The following TMEM181 variants were observed in gnomAD, a reference collection of about 807,000 sequenced individuals.
The protein encoded by TMEM181 is G protein-coupled receptor 178.
In TMEM181, 39 loss-of-function variants were observed where a neutral mutation model predicts 71.9. The observed-to-expected ratio is 0.54, with a 90% CI of 0.42 to 0.71. TMEM181 has a LOEUF of 0.71. Among genes scored for constraint, TMEM181 ranks in the 30% least tolerant of loss-of-function variants. The pLI is 0.00. For synonymous variants in TMEM181, 245 were observed against 228.8 expected (o/e 1.07, Z -0.64); for missense variants, 595 against 583.0 (o/e 1.02, Z -0.21).
At chr6:158,628,223 AG>A (rs1461535881) in intron 13 of TMEM181, 184 bp from the exon 14 acceptor site, 18 of 710,598 alleles carry the variant, frequency 2.5e-5, no homozygotes, top group Non-Finnish European at 4.1e-5. Flanking sequence ...AACCAGAAGC[AG>A]GGGCTGTGTG....
chr6:158,621,504 AC>A (rs1370396387), intron 10 of TMEM181: 2 of 200,394 alleles, frequency 1.0e-5, no homozygotes, highest in Non-Finnish European at 1.1e-5. Context: ...CCCGTCCTGA[AC>A]CCAACACAGA....
Position 158,634,314 on chromosome 6 carries a change from A to C in TMEM181, c.*2426A>C, listed in dbSNP as rs1342898688. 2 of 152,374 alleles carry C rather than the reference A, an allele frequency of 1.3e-5. No homozygotes were observed. The highest frequency in any genetic ancestry group is 3.4e-3 in the Middle Eastern group (1 of 294). 9.4% of individuals were successfully genotyped at this position (152,374 alleles called of 1,614,324 possible). ...ACTTGGCATGTAGAATATGTACCAT[A>C]GGTATCAGGTTAAAACACTAAAGTC... On this transcript the variant is annotated 3_prime_UTR_variant, in exon 17 of 17. Transcript: ENST00000684151.
intron 1 of TMEM181, among the ~76,000 whole-genome samples, chr6:158,554,365 C>T (rs573386639): frequency 2.6e-5 from 4 of 152,128 alleles, no homozygotes; most frequent in East Asian, 3.9e-4. Flanking sequence ...GGATTACAGG[C>T]GTGAGCCACC....
intron 1 of TMEM181, among the ~76,000 whole-genome samples, chr6:158,543,294 G>A (rs1781418500): frequency 6.6e-6 from 1 of 152,212 alleles, no homozygotes; most frequent in South Asian, 2.1e-4. Flanking sequence ...GTCATCATCC[G>A]GCTGGAAGGA....
chr6:158,568,830 A>G (rs1200819614), intron 1 of TMEM181, among the ~76,000 whole-genome samples: 1 of 152,130 alleles, frequency 6.6e-6, no homozygotes, highest in South Asian at 2.1e-4. Context: ...AGTTCTGGCA[A>G]AGACACCTCC....
At chr6:158,588,922 G>A (rs1009521431) in intron 5 of TMEM181, among the ~76,000 whole-genome samples, 1 of 152,226 alleles carries the variant, frequency 6.6e-6, no homozygotes, top group African/African-American at 2.4e-5. Context: ...CGAAAGGCAG[G>A]GCCGGGGCAG....
rs1451381268 is a variant in TMEM181, at chr6:158,634,334, A to G, written c.*2446A>G. ...ACCATAGGTATCAGGTTAAAACACT[A>G]AAGTCTGCCAGAAACTTTTGACAGT... On this transcript the variant is annotated 3_prime_UTR_variant, in exon 17 of 17. Coordinates refer to ENST00000684151, the MANE Select transcript of TMEM181 (RefSeq NM_001376852.1). The G allele has an allele frequency of 6.6e-6, 1 of 152,248 alleles. No homozygotes were observed. The highest frequency in any genetic ancestry group is 1.5e-5 in the Non-Finnish European group (1 of 68,042). 9.4% of individuals were successfully genotyped at this position (152,248 alleles called of 1,614,324 possible). A position where few individuals can be genotyped will look rare whatever the true frequency, so the allele number is the denominator to read the frequency against.
At chr6:158,536,772 G>A (rs920006472) in exon 1 of TMEM181, 3 of 1,574,656 alleles carry the variant, frequency 1.9e-6, no homozygotes, top group East Asian at 2.4e-5. Flanking sequence ...CCCCCGCTCT[G>A]CAGCGAGCTC....
Position 158,628,446 on chromosome 6 carries a change from T to C in TMEM181, c.1148T>C (p.Leu383Pro). Residue 383 changes from leucine (L) to proline (P), a missense_variant, in exon 14 of 17, where the codon CTA becomes CCA. By Grantham distance (98) the Leu-to-Pro change is moderately conservative. Transcript: ENST00000684151. Reference protein sequence around the residue: ...ILYLRFGAQVLQDNFVAELST... With the variant: ...ILYLRFGAQVPQDNFVAELST... ...TATTTGAGATTTGGGGCGCAAGTAC[T>C]ACAAGACAATTTTGTAGCAGAGCTG... 1 of 1,614,224 alleles carries C rather than the reference T, an allele frequency of 6.2e-7. No homozygotes were observed. Among genetic ancestry groups the C allele is most frequent in the Non-Finnish European group, 8.5e-7 (1 of 1,180,034 alleles).
chr6:158,628,304 G>A (rs987998572), intron 13 of TMEM181, 104 bp from the exon 14 acceptor site: 1 of 1,032,516 alleles, frequency 9.7e-7, no homozygotes, highest in Non-Finnish European at 1.5e-6. Flanking sequence ...AGAAATCATA[G>A]TGTACAGACG....
Position 158,630,682 on chromosome 6 carries a change from T to G in TMEM181, c.1283-641T>G, listed in dbSNP as rs574451405. On this transcript the variant is annotated intron_variant, in intron 15 of 16. Coordinates refer to ENST00000684151, the MANE Select transcript of TMEM181 (RefSeq NM_001376852.1). ...TATCAGGACATAACCCCATCGTAAG[T>G]CAAGGAGCATCTGTAGTAGTGTTGT... Among the ~76,000 whole-genome samples, 1,173 of 149,154 alleles carry G rather than the reference T, an allele frequency of 7.9e-3. 18 individuals carry two copies. Among genetic ancestry groups the G allele is most frequent in the African/African-American group, 0.027 (1,109 of 40,384 alleles).
At chr6:158,631,454 T>C (rs1786660833) in intron 16 of TMEM181, 65 bp downstream of exon 16, 4 of 1,502,148 alleles carry the variant, frequency 2.7e-6, no homozygotes, top group South Asian at 1.1e-5. Context: ...TGCATGTTTC[T>C]GAATGGGTTA....
intron 6 of TMEM181, among the ~76,000 whole-genome samples, chr6:158,594,026 T>A (rs7738510): frequency 0.31 from 46,310 of 151,430 alleles, 7,503 homozygotes; most frequent in East Asian, 0.6. Flanking sequence ...CCTTTGTGCT[T>A]CACCTGTTCA....
chr6:158,541,628 G>A (rs1405196821), intron 1 of TMEM181, among the ~76,000 whole-genome samples: 1 of 152,124 alleles, frequency 6.6e-6, no homozygotes, highest in Non-Finnish European at 1.5e-5. Flanking sequence ...CCTCCATGCT[G>A]GCCAACCGTC....
chr6:158,569,512 G>A (rs925016916), intron 1 of TMEM181, among the ~76,000 whole-genome samples: 1 of 152,114 alleles, frequency 6.6e-6, no homozygotes, highest in African/African-American at 2.4e-5. Flanking sequence ...AGAAGTTTTC[G>A]GGAAGGGGAG....
rs1037704922 is a variant in TMEM181, at chr6:158,620,280, A to G, written c.897-3270A>G. On this transcript the variant is annotated intron_variant, in intron 10 of 16. Transcript: ENST00000684151. The surrounding 1 kb of genome is among the most constrained non-coding windows in gnomAD (Gnocchi z 4.5). ...ACCTGGAATCTTCTTTCCAAAGAGG[A>G]CAGTTAAGCTGAGAAGAAACTGGGC... Among the ~76,000 whole-genome samples the G allele has an allele frequency of 1.3e-5, 2 of 152,096 alleles. No individual in the cohort carries two copies. The highest frequency in any genetic ancestry group is 4.8e-5 in the African/African-American group (2 of 41,408).
chr6:158,592,842 T>C (rs6936532), intron 6 of TMEM181, among the ~76,000 whole-genome samples: 55,645 of 151,820 alleles, frequency 0.37, 11,351 homozygotes, highest in East Asian at 0.75. Context: ...CACTTGAGCC[T>C]GGGAGTTTGA....
At chr6:158,628,171 C>T (rs967176315) in intron 13 of TMEM181, 4 of 671,232 alleles carry the variant, frequency 6.0e-6, no homozygotes, top group Non-Finnish European at 1.1e-5. Flanking sequence ...CCTGTCCCTG[C>T]AGCCGGCCGG....
intron 13 of TMEM181, chr6:158,626,647 A>G: frequency 2.2e-6 from 1 of 457,292 alleles, no homozygotes; most frequent in South Asian, 1.5e-5. Context: ...TTCATTCAGC[A>G]TCAAAAGTCA....
Sources: gnomAD v4.1 joint callset for allele counts (sites outside exome capture counted in the v4.1 genomes callset) on GRCh38, gnomAD v4.1.1 for gene constraint, Gnocchi (gnomAD v3.1) non-coding constraint, MANE v1.5 for transcripts, NCBI Gene and HGNC (gene_info 2026-07-23, HGNC 2026-07-21) for gene names.